SBK1: variants seen among roughly 807,000 people sequenced by gnomAD.
SBK1 encodes the protein SH3 domain binding kinase 1.
SBK1 carries 11 observed loss-of-function variants against 24.4 expected under a neutral mutation model. The ratio of observed to expected loss-of-function variants is 0.45; its 90% confidence interval spans 0.28 to 0.75. The LOEUF (loss-of-function observed/expected upper bound fraction) is 0.75, where lower values mean the gene tolerates loss of function less well. Ranked by LOEUF, SBK1 falls within the 30% of genes least tolerant of loss-of-function variation. The pLI, the probability that SBK1 is intolerant of heterozygous loss-of-function variation, is 0.12. For synonymous variants in SBK1, 308 were observed against 284.4 expected (o/e 1.08, Z -0.83); for missense variants, 467 against 620.5 (o/e 0.75, Z 2.63).
rs1202143122 is a variant in SBK1, at chr16:28,321,085, A to T, written c.*164A>T. The T allele has an allele frequency of 3.2e-6, 2 of 624,976 alleles. No individual in the cohort carries two copies. Among genetic ancestry groups the T allele is most frequent in the Non-Finnish European group, 4.7e-6 (2 of 426,202 alleles). The allele number at this position is 624,976 out of a possible 1,614,324, so 38.7% of individuals were successfully genotyped here. ...CTGGTCCGTCCCCGGCGGGCTGGTG[A>T]GGGGGCCACCAAAGACCCCTAGCGC... On this transcript the variant is annotated 3_prime_UTR_variant, in exon 4 of 4. Coordinates refer to ENST00000341901, the MANE Select transcript of SBK1 (RefSeq NM_001024401.3).
rs1375446664 is a variant in SBK1, at chr16:28,259,705, C to T, written c.257+203C>T. On this transcript the variant is annotated intron_variant, in intron 1 of 3. Transcript: ENST00000671413. This position sits in a 1 kb window ranked among gnomAD's most constrained non-coding sequence, Gnocchi z 6.0. ...CTTCCTATCTCCCCCACCCTAGCCC[C>T]AGAGTGGCTTTCACGTCCTCTCCCA... Among the ~76,000 whole-genome samples the T allele has an allele frequency of 6.6e-6, 1 of 152,160 alleles. No homozygotes were observed. The highest frequency in any genetic ancestry group is 6.5e-5 in the Admixed American group (1 of 15,274).
intron 1 of SBK1, among the ~76,000 whole-genome samples, chr16:28,316,833 T>G (rs921032632): frequency 3.3e-5 from 5 of 152,096 alleles, no homozygotes; most frequent in Non-Finnish European, 7.4e-5. Context: ...GAGCTGTGAT[T>G]GCGCCACTGC....
In SBK1 at chr16:28,304,077, G is replaced by A. The variant is rs1272623343; in HGVS notation, c.-8+10777G>A. On this transcript the variant is annotated intron_variant, in intron 1 of 3. Coordinates refer to ENST00000341901, the MANE Select transcript of SBK1 (RefSeq NM_001024401.3). ...AGCCTATTTCTAGACTTTATCATAC[G>A]GACTCACCTGCACATGGCAAAATGA... is the stretch of plus-strand genomic sequence containing the variant. Among the ~76,000 whole-genome samples the A allele has an allele frequency of 3.3e-5, 5 of 152,106 alleles. No individual in the cohort carries two copies. In the East Asian group the frequency reaches 7.7e-4, roughly 23 times the overall value.
Position 28,293,148 on chromosome 16 carries a change from C to A in SBK1, c.-160C>A. 1 of 985,742 alleles carries A rather than the reference C, an allele frequency of 1.0e-6. No individual in the cohort carries two copies. Among genetic ancestry groups the A allele is most frequent in the Non-Finnish European group, 1.2e-6 (1 of 830,122 alleles). The allele number at this position is 985,742 out of a possible 1,614,324, so 61.1% of individuals were successfully genotyped here. ...GCAAGAAGCCTCGGGGATCCCCCCC[C>A]TAAAGCTCCAGGACTTGGGCGACTG... is the stretch of plus-strand genomic sequence containing the variant. On this transcript the variant is annotated 5_prime_UTR_variant, in exon 1 of 4. Coordinates refer to ENST00000341901, the MANE Select transcript of SBK1 (RefSeq NM_001024401.3).
chr16:28,309,194 C>T (rs560238450), intron 1 of SBK1, among the ~76,000 whole-genome samples: 1 of 152,220 alleles, frequency 6.6e-6, no homozygotes, highest in African/African-American at 2.4e-5. Flanking sequence ...TGCATCAAAC[C>T]AGCTGCAGAA....
chr16:28,285,126 C>T (rs1223957973), intron 1 of SBK1: 1 of 152,210 alleles, frequency 6.6e-6, no homozygotes, highest in African/African-American at 2.4e-5. Flanking sequence ...GTCGTAGAGG[C>T]GGAGGTCTTA....
intron 1 of SBK1, among the ~76,000 whole-genome samples, chr16:28,276,233 C>G (rs1483561536): frequency 2.0e-5 from 3 of 152,198 alleles, no homozygotes; most frequent in Non-Finnish European, 4.4e-5. Context: ...ACAGCAACGT[C>G]AGCACCCCTG....
intron 1 of SBK1, among the ~76,000 whole-genome samples, chr16:28,261,011 G>A (rs111846012): frequency 0.022 from 3,372 of 152,246 alleles, 105 homozygotes; most frequent in African/African-American, 0.072. Flanking sequence ...AAGAAACAAA[G>A]TGTGGATGGT....
At position 28,259,527 on chromosome 16, in the gene SBK1, G is replaced by C; in HGVS notation, c.257+25G>C. 7.8e-6 allele frequency: 7 copies of C among 896,490 alleles called. No homozygotes were observed. Among genetic ancestry groups the C allele is most frequent in the Non-Finnish European group, 9.4e-6 (7 of 748,510 alleles). 55.5% of individuals were successfully genotyped at this position (896,490 alleles called of 1,614,324 possible). On this transcript the variant is annotated intron_variant, in intron 1 of 3. Coordinates refer to the SBK1 transcript ENST00000671413. The surrounding 1 kb of genome is among the most constrained non-coding windows in gnomAD (Gnocchi z 6.0). Reference sequence around the variant, plus strand: ...GGTCAGTGCTCGTGGGTGGCCAGTGGGTGGGCAGCAGGTGGGCACAGCGCT... The same window carrying C: ...GGTCAGTGCTCGTGGGTGGCCAGTGCGTGGGCAGCAGGTGGGCACAGCGCT...
intron 1 of SBK1, among the ~76,000 whole-genome samples, chr16:28,294,154 G>T (rs938366262): frequency 6.6e-6 from 1 of 152,092 alleles, no homozygotes. Context: ...TTTCCAGGTG[G>T]TACACACGGC....
chr16:28,280,149 A>ATATATATATATGTGTGTG (rs1230385223), intron 1 of SBK1, among the ~76,000 whole-genome samples: 1 of 39,410 alleles, frequency 2.5e-5, no homozygotes, highest in Non-Finnish European at 5.4e-5. Flanking sequence ...ATATATATAT[A>ATATATATATATGTGTGTG]TGTGTGTGTG....
rs1419931511 is a variant in SBK1, at chr16:28,293,247, G to C, written c.-61G>C. On this transcript the variant is annotated 5_prime_UTR_variant, in exon 1 of 4. Coordinates refer to ENST00000341901, the MANE Select transcript of SBK1 (RefSeq NM_001024401.3). The stretch of plus-strand genomic sequence containing the variant: ...GAGCCCCCGGGGCCGGGCAGACGAA[G>C]ACCGCGACGGCGCCCAGGCCCCCTG... 1.0e-6 allele frequency: 1 copy of C among 985,312 alleles called. No homozygotes were observed. Among genetic ancestry groups the C allele is most frequent in the East Asian group, 1.1e-4 (1 of 8,792 alleles). 61.0% of individuals were successfully genotyped at this position (985,312 alleles called of 1,614,324 possible). A position where few individuals can be genotyped will look rare whatever the true frequency, so the allele number is the denominator to read the frequency against.
At chr16:28,261,461 AC>A (rs2044397047) in intron 1 of SBK1, among the ~76,000 whole-genome samples, 1 of 151,232 alleles carries the variant, frequency 6.6e-6, no homozygotes, top group Non-Finnish European at 1.5e-5. Flanking sequence ...ACACACACAC[AC>A]ACACACACAC....
intron 1 of SBK1, among the ~76,000 whole-genome samples, chr16:28,273,571 G>A (rs1413350770): frequency 4.0e-5 from 6 of 151,472 alleles, no homozygotes; most frequent in African/African-American, 1.2e-4. Context: ...CTAAGCAGAA[G>A]CTTTTTAGTT....
At chr16:28,297,094 C>T (rs2044646062) in intron 1 of SBK1, among the ~76,000 whole-genome samples, 1 of 152,186 alleles carries the variant, frequency 6.6e-6, no homozygotes, top group South Asian at 2.1e-4. Context: ...CTTTGGGAGG[C>T]TGAGACAGGT....
chr16:28,265,338 G>C (rs1012487050), intron 1 of SBK1, among the ~76,000 whole-genome samples: 2 of 152,100 alleles, frequency 1.3e-5, no homozygotes, highest in Non-Finnish European at 2.9e-5. Context: ...AGGGTTGCTT[G>C]AACTTGGGAG....
intron 1 of SBK1, among the ~76,000 whole-genome samples, chr16:28,263,663 A>C (rs1228247815): frequency 1.3e-5 from 2 of 152,154 alleles, no homozygotes; most frequent in Non-Finnish European, 2.9e-5. Context: ...AGCCTTTGAG[A>C]GCTCTTAAAT....
At chr16:28,281,508 A>T (rs1050562124) in intron 1 of SBK1, among the ~76,000 whole-genome samples, 3 of 152,092 alleles carry the variant, frequency 2.0e-5, no homozygotes, top group African/African-American at 4.8e-5. Flanking sequence ...GAGGGATGGA[A>T]TCGGGATAAA....
At chr16:28,279,376 G>T (rs1160192226) in intron 1 of SBK1, among the ~76,000 whole-genome samples, 1 of 124,024 alleles carries the variant, frequency 8.1e-6, no homozygotes, top group African/African-American at 3.1e-5. Flanking sequence ...TCCAGCCTGG[G>T]ACAACAGAGC....
Sources: allele counts gnomAD v4.1 joint callset (sites outside exome capture counted in the v4.1 genomes callset), GRCh38; gene constraint gnomAD v4.1.1; non-coding constraint Gnocchi (gnomAD v3.1); transcripts MANE v1.5; gene names NCBI Gene and HGNC (gene_info 2026-07-23, HGNC 2026-07-21).